Variants in POU2F1 observed in about 807,000 individuals in gnomAD.
POU2F1 encodes POU class 2 homeobox 1, also known as POU domain, class 2, transcription factor 1.
Under a neutral mutation model 84.9 loss-of-function variants are expected in POU2F1, and 16 were observed. The ratio of observed to expected loss-of-function variants is 0.19; its 90% confidence interval spans 0.13 to 0.29. The LOEUF (loss-of-function observed/expected upper bound fraction) is 0.29. Among genes scored for constraint, POU2F1 ranks in the 10% least tolerant of loss-of-function variants. The pLI, the probability that POU2F1 is intolerant of heterozygous loss-of-function variation, is 1.00. For synonymous variants in POU2F1, 368 were observed against 368.3 expected, an observed-to-expected ratio of 1.00 and a Z score of 0.01; for missense variants, 738 against 942.6, an observed-to-expected ratio of 0.78 and a Z score of 2.84.
intron 2 of POU2F1, among the ~76,000 whole-genome samples, chr1:167,345,379 G>A (rs1369687303): frequency 6.6e-6 from 1 of 152,156 alleles, no homozygotes; most frequent in Non-Finnish European, 1.5e-5. Flanking sequence ...TAAGAAAGCA[G>A]TCTAGAGAGG....
chr1:167,237,770 ATATT>A (rs1418495524), intron 1 of POU2F1, among the ~76,000 whole-genome samples: 5 of 12,654 alleles, frequency 4.0e-4, no homozygotes, highest in African/African-American at 1.4e-3. Flanking sequence ...ATATATATAT[ATATT>A]TTTTTTTTTT....
intron 3 of POU2F1, among the ~76,000 whole-genome samples, 199 bp downstream of exon 3, chr1:167,365,766 T>G (rs1659649258): frequency 6.6e-6 from 1 of 152,202 alleles, no homozygotes; most frequent in Non-Finnish European, 1.5e-5. Flanking sequence ...CCCACAGGTG[T>G]GTGGGAAACA....
intron 1 of POU2F1, among the ~76,000 whole-genome samples, chr1:167,227,402 G>A (rs1379204830): frequency 6.6e-6 from 1 of 152,040 alleles, no homozygotes; most frequent in Admixed American, 6.5e-5. Context: ...AAACAGGAAT[G>A]GCTGGAAAAT....
At chr1:167,251,466 T>C (rs141603847) in intron 1 of POU2F1, among the ~76,000 whole-genome samples, 6 of 152,290 alleles carry the variant, frequency 3.9e-5, no homozygotes, top group African/African-American at 1.4e-4. Context: ...ACTTAACTAA[T>C]TAGGCCTAGT....
At chr1:167,252,751 C>G (rs1283828981) in intron 1 of POU2F1, among the ~76,000 whole-genome samples, 2 of 152,190 alleles carry the variant, frequency 1.3e-5, no homozygotes, top group Non-Finnish European at 2.9e-5. Flanking sequence ...ATTAGAAAAT[C>G]TTTAAATTAT....
chr1:167,405,956 C>T (rs1649545192), intron 13 of POU2F1, among the ~76,000 whole-genome samples: 1 of 152,070 alleles, frequency 6.6e-6, no homozygotes, highest in African/African-American at 2.4e-5. Context: ...TGGGAAGTCC[C>T]CATGTATTTG....
chr1:167,280,381 T>C (rs1456902289), intron 1 of POU2F1, among the ~76,000 whole-genome samples: 2 of 151,952 alleles, frequency 1.3e-5, no homozygotes, highest in Non-Finnish European at 2.9e-5. Flanking sequence ...TTTCAGACTT[T>C]TAGTTTTTAT....
intron 1 of POU2F1, among the ~76,000 whole-genome samples, chr1:167,255,832 A>G (rs1651090753): frequency 6.6e-6 from 1 of 152,222 alleles, no homozygotes; most frequent in South Asian, 2.1e-4. Context: ...CCAAACATCA[A>G]GGTGAGGGTT....
intron 1 of POU2F1, among the ~76,000 whole-genome samples, chr1:167,294,601 G>C (rs1654163425): frequency 6.6e-6 from 1 of 152,108 alleles, no homozygotes; most frequent in Non-Finnish European, 1.5e-5. Context: ...CCATCAAAAA[G>C]TGAGTAGATG....
chr1:167,316,819 A>T lies in POU2F1; in HGVS notation c.62-15651A>T, dbSNP rs1655936340. Among the ~76,000 whole-genome samples the T allele has an allele frequency of 2.0e-5, 3 of 152,308 alleles. No individual in the cohort carries two copies. The South Asian group carries it at 6.2e-4, about 32-fold the overall frequency. On this transcript the variant is annotated intron_variant, in intron 1 of 15. Coordinates refer to ENST00000367866, the MANE Select transcript of POU2F1 (RefSeq NM_002697.4). ...CTGGGTTTTAAACAAAACAAGGCTT[A>T]TTTTTTCATGGATTTAAGAAATTGA... is the stretch of plus-strand genomic sequence containing the variant.
At chr1:167,399,436 C>G in intron 12 of POU2F1, 71 bp downstream of exon 12, 1 of 1,294,492 alleles carries the variant, frequency 7.7e-7, no homozygotes, top group Non-Finnish European at 1.1e-6. Context: ...CCTGTTAAAT[C>G]AGTTTATTTC....
chr1:167,351,159 C>G (rs563025363), intron 2 of POU2F1, among the ~76,000 whole-genome samples: 1 of 152,156 alleles, frequency 6.6e-6, no homozygotes, highest in East Asian at 1.9e-4. Context: ...TCTAGACCAG[C>G]CTGGCCGACA....
At chr1:167,355,068 T>C (rs1396791947) in intron 2 of POU2F1, among the ~76,000 whole-genome samples, 1 of 152,100 alleles carries the variant, frequency 6.6e-6, no homozygotes, top group Non-Finnish European at 1.5e-5. Context: ...TTCTTCACTT[T>C]CCCAAGGTTA....
intron 2 of POU2F1, among the ~76,000 whole-genome samples, chr1:167,341,393 A>C (rs915494146): frequency 6.6e-6 from 1 of 152,216 alleles, no homozygotes; most frequent in African/African-American, 2.4e-5. Flanking sequence ...TAATGAATTT[A>C]CAGTCAATTA....
Position 167,337,073 on chromosome 1 carries a change from G to C in POU2F1, c.127+4538G>C, listed in dbSNP as rs182499327. Among the ~76,000 whole-genome samples the C allele has an allele frequency of 1.6e-3, 238 of 151,734 alleles. 1 individual carries two copies. The highest frequency in any genetic ancestry group is 5.6e-3 in the Admixed American group (86 of 15,242). On this transcript the variant is annotated intron_variant, in intron 2 of 15. Transcript: ENST00000367866. The stretch of plus-strand genomic sequence containing the variant: ...AGCTACTCTGGAAGCTGAGGTAGGA[G>C]AATTGCTTGACCTCAGGAGGTGGAG...
At chr1:167,369,465 T>A (rs775455172) in intron 3 of POU2F1, among the ~76,000 whole-genome samples, 39 of 152,236 alleles carry the variant, frequency 2.6e-4, no homozygotes, top group Non-Finnish European at 4.4e-4. Context: ...TAGTTATCCA[T>A]TGATGACTCT....
chr1:167,237,754 A>G lies in POU2F1; in HGVS notation c.61+16796A>G, dbSNP rs1443430569. ...TCCATATATGTGTGTGTGTATATAT[A>G]TATATATATATATATATATTTTTTT... On this transcript the variant is annotated intron_variant, in intron 1 of 15. Transcript: ENST00000367866. Among the ~76,000 whole-genome samples the G allele has an allele frequency of 8.0e-3, 373 of 46,614 alleles. 12 individuals carry two copies. Among genetic ancestry groups the G allele is most frequent in the African/African-American group, 0.03 (351 of 11,624 alleles). 30.6% of individuals were successfully genotyped at this position (46,614 alleles called of 152,430 possible). A position where few individuals can be genotyped will look rare whatever the true frequency, so the allele number is the denominator to read the frequency against.
At chr1:167,265,927 A>G (rs112325551) in intron 1 of POU2F1, among the ~76,000 whole-genome samples, 116 of 152,356 alleles carry the variant, frequency 7.6e-4, no homozygotes, top group South Asian at 1.4e-3. Flanking sequence ...ATTTATGTCA[A>G]TGCTAAGCCT....
intron 1 of POU2F1, among the ~76,000 whole-genome samples, chr1:167,306,668 A>G (rs1249537490): frequency 5.3e-5 from 8 of 152,170 alleles, no homozygotes; most frequent in African/African-American, 1.4e-4. Flanking sequence ...GAAGTCCAGA[A>G]TAAGGTATTA....
Sources: allele counts gnomAD v4.1 joint callset (sites outside exome capture counted in the v4.1 genomes callset), GRCh38; gene constraint gnomAD v4.1.1; transcripts MANE v1.5; gene names NCBI Gene and HGNC (gene_info 2026-07-23, HGNC 2026-07-21).